The following PADI2 variants were observed in gnomAD, a reference collection of about 807,000 sequenced individuals.
PADI2 encodes the protein protein-arginine deiminase type-2.
In PADI2, 70 loss-of-function variants were observed where a neutral mutation model predicts 81.1. The ratio of observed to expected loss-of-function variants is 0.86; its 90% confidence interval spans 0.71 to 1.05. The LOEUF (loss-of-function observed/expected upper bound fraction) is 1.05. Ranked by LOEUF, PADI2 falls within the 50% of genes least tolerant of loss-of-function variation. The probability of loss-of-function intolerance (pLI) is 0.00; values close to 1 mark genes in which losing one functional copy is unlikely to be tolerated. For synonymous variants in PADI2, 338 were observed against 358.0 expected (o/e 0.94, Z 0.63); for missense variants, 853 against 889.9 (o/e 0.96, Z 0.53).
In PADI2 at chr1:17,102,495, T is replaced by C. The variant is rs1016533443; in HGVS notation, c.349+492A>G. ...AACCTCTCTGGGCCTCACCATCCTG[T>C]GGATCAAATGAAGGACTTGGACTAG... On this transcript the variant is annotated intron_variant, in intron 3 of 15. Transcript: ENST00000375486. Among the ~76,000 whole-genome samples, 5 of 152,272 alleles carry C rather than the reference T, an allele frequency of 3.3e-5. No individual in the cohort carries two copies. The South Asian group carries it at 6.2e-4, about 19-fold the overall frequency.
rs754502282 is a variant in PADI2, at chr1:17,083,741, G to T, written c.1035C>A (p.Gly345=). The stretch of plus-strand genomic sequence containing the variant: ...GGCTCCTTACCTGGATCCAGCGATC[G>T]CCTCGGTTTAGGTACTGGAAGCAGA... ...LKVCFQYLNR[G]DRWIQDEIEF... Residue 345 remains glycine (G), a synonymous_variant, in exon 9 of 16, where the codon GGC becomes GGA. Transcript: ENST00000375486. 1 of 1,611,182 alleles carries T rather than the reference G, an allele frequency of 6.2e-7. No homozygotes were observed. Among genetic ancestry groups the T allele is most frequent in the Non-Finnish European group, 8.5e-7 (1 of 1,177,320 alleles).
intron 8 of PADI2, 75 bp from the exon 9 acceptor site, chr1:17,083,912 G>A: frequency 1.1e-6 from 1 of 877,578 alleles, no homozygotes; most frequent in Non-Finnish European, 1.9e-6. Context: ...CTGAGATGGT[G>A]ACAGCAGCTG....
At position 17,110,986 on chromosome 1, in the gene PADI2, CTGAGCACTTACAA is replaced by C. The variant is rs1931560088; in HGVS notation, c.93-5938_93-5926del. 2.0e-5 allele frequency among the ~76,000 whole-genome samples: 3 copies of C among 151,810 alleles called. No individual in the cohort carries two copies. In the South Asian group the frequency reaches 6.2e-4, roughly 32 times the overall value. ...CGTTCATTCACTCAACATGTATTTA[CTGAGCACTTACAA>C]TGTGCCAGGCACAGTTCTAGGCATT... On this transcript the variant is annotated intron_variant, in intron 1 of 15. Transcript: ENST00000375486.
At chr1:17,103,175 C>G in intron 2 of PADI2, 116 bp from the exon 3 acceptor site, 1 of 738,302 alleles carries the variant, frequency 1.4e-6, no homozygotes, top group Non-Finnish European at 2.4e-6. Context: ...CCAACCCTCT[C>G]CAAACATCAG....
chr1:17,090,557 G>A (rs1299968056), intron 6 of PADI2, among the ~76,000 whole-genome samples: 4 of 149,782 alleles, frequency 2.7e-5, no homozygotes, highest in African/African-American at 4.9e-5. Flanking sequence ...CTGTGCTCCT[G>A]GTCAATTATC....
chr1:17,076,834 T>C (rs11587943), intron 11 of PADI2, among the ~76,000 whole-genome samples: 91,302 of 151,578 alleles, frequency 0.6, 27,853 homozygotes, highest in Middle Eastern at 0.7. Context: ...ACCTCAGCTT[T>C]CCAAAGTGCT....
At chr1:17,093,734 G>A (rs1487788982) in intron 4 of PADI2, 50 bp from the exon 5 acceptor site, 1 of 1,073,766 alleles carries the variant, frequency 9.3e-7, no homozygotes. Context: ...TGCTTGTATA[G>A]ACCCCATGGG....
At position 17,104,909 on chromosome 1, in the gene PADI2, C is replaced by A; in HGVS notation, c.245G>T (p.Ser82Ile). The change falls in exon 2 of 16, where the codon AGC becomes ATC. Residue 82 changes from serine (S) to isoleucine (I), a missense_variant. Coordinates refer to ENST00000375486, the MANE Select transcript of PADI2 (RefSeq NM_007365.3). ...SPSTTLRVTM[S>I]QASTEASSDK... is the part of the protein sequence containing the mutation. ...ACTGCTGGCCTCGGTGCTCGCCTGG[C>A]TCATGGTGACCCGCAGGGTGGTGCT... 6.3e-7 allele frequency: 1 copy of A among 1,593,694 alleles called. No individual in the cohort carries two copies. The highest frequency in any genetic ancestry group is 1.1e-5 in the South Asian group (1 of 90,402).
chr1:17,105,114 AG>A, intron 1 of PADI2, 53 bp from the exon 2 acceptor site: 1 of 1,289,916 alleles, frequency 7.8e-7, no homozygotes, highest in Non-Finnish European at 1.0e-6. Context: ...AGGTGGGATG[AG>A]GGGCTTCAAG....
intron 6 of PADI2, 120 bp from the exon 7 acceptor site, chr1:17,086,819 C>G: frequency 1.3e-6 from 1 of 796,728 alleles, no homozygotes; most frequent in East Asian, 2.6e-5. Context: ...GAGAAAAGCA[C>G]AAGCAGAAAA....
chr1:17,094,642 C>T (rs548842917), intron 4 of PADI2, among the ~76,000 whole-genome samples: 1 of 152,298 alleles, frequency 6.6e-6, no homozygotes, highest in Non-Finnish European at 1.5e-5. Context: ...TTCTGTGTCC[C>T]CTGGGCCTGA....
intron 7 of PADI2, among the ~76,000 whole-genome samples, chr1:17,086,002 C>A (rs1930381488): frequency 6.6e-6 from 1 of 152,166 alleles, no homozygotes; most frequent in African/African-American, 2.4e-5. Context: ...CCAGTTTCTC[C>A]CCAAAGCAAG....
At position 17,075,800 on chromosome 1, in the gene PADI2, T is replaced by C. The variant is rs2078297907; in HGVS notation, c.1334A>G (p.Lys445Arg). ...GGCCTTCAGGAAGTCACGCACCACC[T>C]TGGTCATCCTCCGACCACCAGACCT... ...FPLSGGRRMT[K>R]VVRDFLKAQQ... The change falls in exon 12 of 16, where the codon AAG becomes AGG. Residue 445 changes from lysine (K) to arginine (R), a missense_variant. Transcript: ENST00000375486. 1 of 1,613,734 alleles carries C rather than the reference T, an allele frequency of 6.2e-7. No individual in the cohort carries two copies. The highest frequency in any genetic ancestry group is 8.5e-7 in the Non-Finnish European group (1 of 1,179,862).
At chr1:17,109,795 G>A (rs909810468) in intron 1 of PADI2, among the ~76,000 whole-genome samples, 2 of 152,156 alleles carry the variant, frequency 1.3e-5, no homozygotes, top group African/African-American at 4.8e-5. Flanking sequence ...CTGACCCAGA[G>A]CCACTATTAT....
At chr1:17,071,917 T>G (rs1237537348) in intron 13 of PADI2, among the ~76,000 whole-genome samples, 5 of 152,234 alleles carry the variant, frequency 3.3e-5, no homozygotes, top group Non-Finnish European at 7.3e-5. Flanking sequence ...GCTGCTGCTC[T>G]GGAGTGGCCT....
chr1:17,108,583 A>G (rs758722518), intron 1 of PADI2, among the ~76,000 whole-genome samples: 2 of 151,834 alleles, frequency 1.3e-5, no homozygotes, highest in African/African-American at 4.8e-5. Context: ...GGCCCATCAT[A>G]CACCCAAGCA....
intron 12 of PADI2, chr1:17,075,265 A>C: frequency 3.1e-6 from 1 of 322,976 alleles, no homozygotes; most frequent in South Asian, 4.8e-5. Flanking sequence ...AGAAAATGAA[A>C]GAACCTCTTT....
At position 17,092,435 on chromosome 1, in the gene PADI2, C is replaced by G; in HGVS notation, c.628G>C (p.Asp210His). 6.2e-7 allele frequency: 1 copy of G among 1,607,872 alleles called. No homozygotes were observed. The highest frequency in any genetic ancestry group is 8.5e-7 in the Non-Finnish European group (1 of 1,177,664). Reference sequence around the variant, plus strand: ...TCCACGTAGAACACGCCCACTTTGTCTGAGTCTGACATGGAAATGTACAGA... The same window carrying G: ...TCCACGTAGAACACGCCCACTTTGTGTGAGTCTGACATGGAAATGTACAGA... ...IVLYISMSDS[D>H]KVGVFYVENP... Residue 210 changes from aspartate (D) to histidine (H), a missense_variant, in exon 6 of 16, where the codon GAC becomes CAC. Physicochemically the swap from Asp to His is moderately conservative, Grantham distance 81 (BLOSUM62 -1). Coordinates refer to ENST00000375486, the MANE Select transcript of PADI2 (RefSeq NM_007365.3).
intron 3 of PADI2, among the ~76,000 whole-genome samples, chr1:17,096,918 G>A (rs1261941094): frequency 6.6e-6 from 1 of 152,218 alleles, no homozygotes; most frequent in Non-Finnish European, 1.5e-5. Context: ...CCTGTGCATT[G>A]TAGGATGTTT....
Sources: allele counts gnomAD v4.1 joint callset (sites outside exome capture counted in the v4.1 genomes callset), GRCh38; gene constraint gnomAD v4.1.1; transcripts MANE v1.5; gene names NCBI Gene and HGNC (gene_info 2026-07-23, HGNC 2026-07-21).